The following CHL1 variants were observed in gnomAD, a reference collection of about 807,000 sequenced individuals.
The protein encoded by CHL1 is cell adhesion molecule L1 like.
A neutral mutation model predicts 141.9 loss-of-function variants in CHL1; 96 were observed. The ratio of observed to expected loss-of-function variants is 0.68; its 90% CI spans 0.57 to 0.80. The LOEUF (loss-of-function observed/expected upper bound fraction) is 0.80. CHL1 is among the 30% of genes least tolerant of loss of function. The pLI is 0.00. For synonymous variants in CHL1, 613 were observed against 502.2 expected (o/e 1.22, Z -2.95); for missense variants, 1,820 against 1,457.2 (o/e 1.25, Z -4.05).
chr3:304,208 T>C (rs915266455), intron 2 of CHL1, among the ~76,000 whole-genome samples: 15 of 152,200 alleles, frequency 9.9e-5, no homozygotes, highest in Admixed American at 6.5e-5. Flanking sequence ...TTTGTTGTTG[T>C]TGTTGTGTTT....
At chr3:234,993 C>CTATTCTTAT (rs1553583034) in intron 1 of CHL1, among the ~76,000 whole-genome samples, 1 of 148,282 alleles carries the variant, frequency 6.7e-6, no homozygotes, top group African/African-American at 2.5e-5. Flanking sequence ...TTTTTTATTA[C>CTATTCTTAT]TATTATTATT....
intron 16 of CHL1, among the ~76,000 whole-genome samples, chr3:381,526 G>A (rs1707040710): frequency 2.0e-5 from 3 of 152,188 alleles, no homozygotes; most frequent in Admixed American, 1.3e-4. Context: ...AGGCAAAATA[G>A]TAAATTAGTA....
At chr3:340,358 A>T (rs1359340308) in intron 5 of CHL1, among the ~76,000 whole-genome samples, 1 of 152,172 alleles carries the variant, frequency 6.6e-6, no homozygotes, top group Non-Finnish European at 1.5e-5. Flanking sequence ...CACTGGCTGG[A>T]ATATTTGCCA....
intron 2 of CHL1, among the ~76,000 whole-genome samples, chr3:251,614 C>T (rs1273566575): frequency 2.0e-5 from 3 of 152,110 alleles, no homozygotes; most frequent in African/African-American, 4.8e-5. Context: ...TTCAGCTCTA[C>T]ATTTCCATGA....
At chr3:269,485 G>A (rs1420458638) in intron 2 of CHL1, among the ~76,000 whole-genome samples, 8 of 152,122 alleles carry the variant, frequency 5.3e-5, no homozygotes, top group Non-Finnish European at 1.2e-4. Flanking sequence ...TTCAGCCCAG[G>A]TGGGGTACAT....
At chr3:354,369 G>T (rs1575144829) in intron 10 of CHL1, among the ~76,000 whole-genome samples, 1 of 151,534 alleles carries the variant, frequency 6.6e-6, no homozygotes, top group East Asian at 1.9e-4. Flanking sequence ...TAAATAAAAT[G>T]GTTGTATATA....
At chr3:281,128 C>T (rs1240705313) in intron 2 of CHL1, among the ~76,000 whole-genome samples, 2 of 152,144 alleles carry the variant, frequency 1.3e-5, no homozygotes, top group South Asian at 2.1e-4. Context: ...AATTCTCCTA[C>T]AACACCCAGC....
At chr3:232,326 A>G (rs947423851) in intron 1 of CHL1, among the ~76,000 whole-genome samples, 2 of 152,122 alleles carry the variant, frequency 1.3e-5, no homozygotes, top group South Asian at 4.1e-4. Flanking sequence ...TTTCATTTTC[A>G]TTAACAATAT....
At chr3:383,740 G>C (rs555645570) in intron 18 of CHL1, 76 bp from the exon 19 acceptor site, 2 of 879,674 alleles carry the variant, frequency 2.3e-6, no homozygotes, top group African/African-American at 1.7e-5. Flanking sequence ...TGTGTTTTTG[G>C]GGGGCAGGAG....
chr3:407,258 A>G lies in CHL1; in HGVS notation c.*1547A>G, dbSNP rs1709586926. ...GTTTTTGAACTGTGATTATTGGTAT[A>G]CTGTTATATCCTCAACTTGGATTTA... On this transcript the variant is annotated 3_prime_UTR_variant, in exon 28 of 28. Coordinates refer to ENST00000256509, the MANE Select transcript of CHL1 (RefSeq NM_006614.4). 6.6e-6 allele frequency: 1 copy of G among 152,090 alleles called. No homozygotes were observed. Among genetic ancestry groups the G allele is most frequent in the South Asian group, 2.1e-4 (1 of 4,830 alleles). 9.4% of individuals were successfully genotyped at this position (152,090 alleles called of 1,614,324 possible).
At position 290,875 on chromosome 3, in the gene CHL1, G is replaced by A. The variant is rs533539856; in HGVS notation, c.-94-28808G>A. ...TGCTTGAACCCGGGAGACAGAGGTT[G>A]TGGTGAGCAGAGAATGTACCACTGC... On this transcript the variant is annotated intron_variant, in intron 2 of 27. Coordinates refer to ENST00000256509, the MANE Select transcript of CHL1 (RefSeq NM_006614.4). 1.3e-4 allele frequency among the ~76,000 whole-genome samples: 20 copies of A among 150,990 alleles called. No individual in the cohort carries two copies. In the East Asian group the frequency reaches 2.9e-3, roughly 22 times the overall value.
At chr3:257,614 AGTGCT>A (rs910218386) in intron 2 of CHL1, among the ~76,000 whole-genome samples, 13 of 151,986 alleles carry the variant, frequency 8.6e-5, no homozygotes, top group East Asian at 3.9e-4. Flanking sequence ...GGCCTCCCTA[AGTGCT>A]GGGATTACAA....
At chr3:318,527 A>T (rs997267689) in intron 2 of CHL1, among the ~76,000 whole-genome samples, 1 of 151,798 alleles carries the variant, frequency 6.6e-6, no homozygotes, top group African/African-American at 2.4e-5. Context: ...TATTAACACA[A>T]TGTTTCAGAA....
chr3:233,896 A>G (rs1168666271), intron 1 of CHL1, among the ~76,000 whole-genome samples: 1 of 152,134 alleles, frequency 6.6e-6, no homozygotes, highest in Non-Finnish European at 1.5e-5. Context: ...GTAGTTGGTG[A>G]TATATTAATA....
intron 2 of CHL1, among the ~76,000 whole-genome samples, chr3:301,395 G>A (rs1296913121): frequency 1.3e-5 from 2 of 152,150 alleles, no homozygotes; most frequent in Admixed American, 6.5e-5. Flanking sequence ...ACTGTTCTGT[G>A]CTGCTTAAGA....
At chr3:326,785 G>A (rs1701050326) in intron 4 of CHL1, among the ~76,000 whole-genome samples, 1 of 151,638 alleles carries the variant, frequency 6.6e-6, no homozygotes, top group South Asian at 2.1e-4. Context: ...TTATTATTCT[G>A]CATGATTATC....
chr3:233,706 CTAA>C (rs1300952786), intron 1 of CHL1, among the ~76,000 whole-genome samples: 2 of 152,012 alleles, frequency 1.3e-5, no homozygotes, highest in Non-Finnish European at 2.9e-5. Flanking sequence ...TTTATTTCAC[CTAA>C]TATTATACAA....
intron 2 of CHL1, among the ~76,000 whole-genome samples, chr3:290,958 GA>G (rs1327830340): frequency 1.3e-5 from 2 of 149,908 alleles, no homozygotes; most frequent in South Asian, 2.1e-4. Flanking sequence ...AAGAAAGAAA[GA>G]AAAAGAAAAA....
intron 5 of CHL1, among the ~76,000 whole-genome samples, chr3:333,124 A>ATTTTGTTTTTTTTTTTTTTTTTTT (rs1701576682): frequency 1.2e-5 from 1 of 83,312 alleles, no homozygotes; most frequent in East Asian, 4.8e-4. Context: ...TAATTGCTCT[A>ATTTTGTTTTTTTTTTTTTTTTTTT]TTTTTTTTAT....
Sources: gnomAD v4.1 joint callset for allele counts (sites outside exome capture counted in the v4.1 genomes callset) on GRCh38, gnomAD v4.1.1 for gene constraint, MANE v1.5 for transcripts, NCBI Gene and HGNC (gene_info 2026-07-23, HGNC 2026-07-21) for gene names.